MLXIP: variants seen among roughly 807,000 people sequenced by gnomAD.
MLXIP encodes MLX interacting protein, also known as MLX-interacting protein.
Under a neutral mutation model 87.2 loss-of-function variants are expected in MLXIP, and 30 were observed. The observed-to-expected ratio is 0.34, with a 90% CI of 0.26 to 0.47. The LOEUF (loss-of-function observed/expected upper bound fraction) is 0.47. Among genes scored for constraint, MLXIP ranks in the 20% least tolerant of loss-of-function variants. MLXIP has a pLI of 1.00. For synonymous variants in MLXIP, 530 were observed against 514.0 expected (o/e 1.03, Z -0.42); for missense variants, 1,002 against 1,240.1 (o/e 0.81, Z 2.88).
chr12:122,124,159 C>T (rs1269354606), intron 1 of MLXIP, among the ~76,000 whole-genome samples: 3 of 146,162 alleles, frequency 2.1e-5, no homozygotes, highest in Admixed American at 6.8e-5. Context: ...CAGCTGTCCC[C>T]CACCCTCAGC....
At chr12:122,108,924 CT>C (rs1422399344) in intron 1 of MLXIP, among the ~76,000 whole-genome samples, 3 of 152,212 alleles carry the variant, frequency 2.0e-5, no homozygotes, top group South Asian at 2.1e-4. Context: ...CTGACCTTGA[CT>C]TTTAGTGACT....
At chr12:122,105,978 G>T (rs1435016200) in intron 1 of MLXIP, among the ~76,000 whole-genome samples, 1 of 152,154 alleles carries the variant, frequency 6.6e-6, no homozygotes, top group South Asian at 2.1e-4. Flanking sequence ...TGGCCAACTG[G>T]CATTTCCATC....
At chr12:122,096,235 AC>A (rs1952350486) in intron 1 of MLXIP, among the ~76,000 whole-genome samples, 1 of 151,972 alleles carries the variant, frequency 6.6e-6, no homozygotes, top group African/African-American at 2.4e-5. Flanking sequence ...GCACCGCCAC[AC>A]CCGGCTTCTG....
chr12:122,138,073 T>G (rs1421526000), intron 12 of MLXIP, 121 bp from the exon 13 acceptor site: 1 of 780,786 alleles, frequency 1.3e-6, no homozygotes, highest in African/African-American at 1.8e-5. Flanking sequence ...CGTCGTGCCC[T>G]CCTCCCACGT....
At chr12:122,092,085 CTTTTCTTTTCTT>C (rs1952253851) in intron 1 of MLXIP, among the ~76,000 whole-genome samples, 2 of 151,420 alleles carry the variant, frequency 1.3e-5, no homozygotes, top group African/African-American at 2.4e-5. Flanking sequence ...TTTTTCTTTT[CTTTTCTTTTCTT>C]TTTTCTTTTC....
At chr12:122,094,163 G>T (rs1952302890) in intron 1 of MLXIP, among the ~76,000 whole-genome samples, 2 of 139,078 alleles carry the variant, frequency 1.4e-5, no homozygotes, top group South Asian at 4.8e-4. Flanking sequence ...TATGTTTGCA[G>T]TGTCTGTGTG....
intron 1 of MLXIP, among the ~76,000 whole-genome samples, chr12:122,123,744 G>T (rs1429252451): frequency 6.6e-6 from 1 of 152,092 alleles, no homozygotes; most frequent in Non-Finnish European, 1.5e-5. Context: ...CTTTCACTTA[G>T]GCTGGAGTGC....
At chr12:122,081,038 A>G (rs968524760) in intron 1 of MLXIP, among the ~76,000 whole-genome samples, 2 of 152,060 alleles carry the variant, frequency 1.3e-5, no homozygotes, top group African/African-American at 4.8e-5. Flanking sequence ...TCTTGTTTGG[A>G]TAACCTAAAG....
chr12:122,139,260 C>A (rs1165391680), intron 15 of MLXIP, among the ~76,000 whole-genome samples: 1 of 152,204 alleles, frequency 6.6e-6, no homozygotes, highest in Non-Finnish European at 1.5e-5. Flanking sequence ...GGCATGGTTC[C>A]ACACAGCCTG....
chr12:122,122,816 G>A (rs1322875377), intron 1 of MLXIP, among the ~76,000 whole-genome samples: 3 of 151,798 alleles, frequency 2.0e-5, no homozygotes, highest in Admixed American at 6.6e-5. Context: ...CAAAGTGGTG[G>A]GATTACAGGC....
At chr12:122,084,285 T>C (rs1481916728) in intron 1 of MLXIP, among the ~76,000 whole-genome samples, 1 of 151,600 alleles carries the variant, frequency 6.6e-6, no homozygotes, top group East Asian at 1.9e-4. Flanking sequence ...AGATTACCAA[T>C]TACATTACCC....
At chr12:122,129,113 C>G in intron 3 of MLXIP, 24 bp from the exon 4 acceptor site, 1 of 1,583,886 alleles carries the variant, frequency 6.3e-7, no homozygotes, top group South Asian at 1.1e-5. Flanking sequence ...CCCCTCTTCA[C>G]TCTGCTCTCT....
At chr12:122,127,142 G>T in intron 1 of MLXIP, 114 bp from the exon 2 acceptor site, 2 of 817,246 alleles carry the variant, frequency 2.4e-6, no homozygotes, top group South Asian at 1.5e-5. Flanking sequence ...CCGGGTGTAT[G>T]GCTGGGGGTG....
At chr12:122,132,635 G>A in intron 8 of MLXIP, 1 of 486,248 alleles carries the variant, frequency 2.1e-6, no homozygotes, top group Non-Finnish European at 3.7e-6. Flanking sequence ...CCTATGTGCA[G>A]CTAGCTCTGC....
intron 1 of MLXIP, among the ~76,000 whole-genome samples, chr12:122,110,894 G>A (rs1593084065): frequency 6.6e-6 from 1 of 151,986 alleles, no homozygotes; most frequent in Non-Finnish European, 1.5e-5. Context: ...TGGCTAACAT[G>A]GTGAAACCCC....
intron 1 of MLXIP, among the ~76,000 whole-genome samples, chr12:122,093,278 TTG>T (rs1428894266): frequency 1.4e-5 from 2 of 141,254 alleles, no homozygotes; most frequent in East Asian, 4.3e-4. Context: ...GGGTGTGCAT[TTG>T]TGCTGTCTGT....
Position 122,130,128 on chromosome 12 carries a change from G to T in MLXIP, c.910+16G>T, listed in dbSNP as rs771391210. ...CGGGAAATAGGTAACCCAAACCAGG[G>T]CCTTGGGCTTTGAACAGCCAGCCGC... On this transcript the variant is annotated intron_variant, in intron 6 of 16. Transcript: ENST00000319080. 1 of 1,608,102 alleles carries T rather than the reference G, an allele frequency of 6.2e-7. No homozygotes were observed. Among genetic ancestry groups the T allele is most frequent in the African/African-American group, 1.3e-5 (1 of 74,920 alleles).
At chr12:122,102,706 G>C (rs1198498334) in intron 1 of MLXIP, among the ~76,000 whole-genome samples, 1 of 152,186 alleles carries the variant, frequency 6.6e-6, no homozygotes, top group African/African-American at 2.4e-5. Context: ...TATATCTGTG[G>C]ATAGGAATAT....
At chr12:122,125,720 C>T (rs527588656) in intron 1 of MLXIP, among the ~76,000 whole-genome samples, 3 of 152,324 alleles carry the variant, frequency 2.0e-5, no homozygotes, top group South Asian at 2.1e-4. Flanking sequence ...GTCCCTGACC[C>T]GTTGTGCAGA....
Sources: allele counts gnomAD v4.1 joint callset (sites outside exome capture counted in the v4.1 genomes callset), GRCh38; gene constraint gnomAD v4.1.1; transcripts MANE v1.5; gene names NCBI Gene and HGNC (gene_info 2026-07-23, HGNC 2026-07-21).